The following SLC36A1 variants were observed in gnomAD, a reference collection of about 807,000 sequenced individuals.
SLC36A1 encodes proton-coupled amino acid transporter 1.
In SLC36A1, 30 loss-of-function variants were observed where a neutral mutation model predicts 47.5. The ratio of observed to expected loss-of-function variants is 0.63; its 90% CI spans 0.47 to 0.86. SLC36A1 has a LOEUF of 0.86. Among genes scored for constraint, SLC36A1 ranks in the 40% least tolerant of loss-of-function variants. The probability of loss-of-function intolerance (pLI) is 0.00; values close to 1 mark genes in which losing one functional copy is unlikely to be tolerated. For synonymous variants in SLC36A1, 255 were observed against 249.7 expected (o/e 1.02, Z -0.20); for missense variants, 517 against 606.0 (o/e 0.85, Z 1.54).
upstream of SLC36A1, among the ~76,000 whole-genome samples, chr5:151,446,994 C>A (rs1029035017): frequency 6.6e-6 from 1 of 152,046 alleles, no homozygotes; most frequent in Non-Finnish European, 1.5e-5. Flanking sequence ...GAATTGACCC[C>A]TTTATTATTA....
At chr5:151,430,848 C>T in the SLC36A1 span, among the ~76,000 whole-genome samples, 2 of 152,246 alleles carry the variant, frequency 1.3e-5, no homozygotes, top group African/African-American at 4.8e-5. Flanking sequence ...CTTGGCTCCT[C>T]TAACACAAAG....
chr5:151,471,593 C>T (rs535103301), intron 7 of SLC36A1, among the ~76,000 whole-genome samples: 11 of 152,318 alleles, frequency 7.2e-5, no homozygotes, highest in Admixed American at 6.5e-4. Flanking sequence ...GCTCTCAAGT[C>T]CCATTGTAAA....
chr5:151,356,517 C>T, the SLC36A1 span, among the ~76,000 whole-genome samples: 2 of 151,948 alleles, frequency 1.3e-5, no homozygotes, highest in East Asian at 1.9e-4. Flanking sequence ...TTAGGAACTA[C>T]GTGTGTTGGG....
the SLC36A1 span, chr5:151,542,230 C>A: frequency 6.6e-7 from 1 of 1,507,988 alleles, no homozygotes; most frequent in Non-Finnish European, 8.9e-7. Flanking sequence ...GGCACCTCTT[C>A]CTGGATGTTT....
chr5:151,500,645 G>T, the SLC36A1 span, among the ~76,000 whole-genome samples: 2 of 152,250 alleles, frequency 1.3e-5, no homozygotes, highest in African/African-American at 4.8e-5. Context: ...TGGGATTACA[G>T]GTGGGAGCCA....
intron 1 of SLC36A1, among the ~76,000 whole-genome samples, chr5:151,458,268 G>C (rs1754895284): frequency 6.8e-6 from 1 of 147,520 alleles, no homozygotes; most frequent in African/African-American, 2.5e-5. Flanking sequence ...ATATACGTGT[G>C]TATATGTGTA....
the SLC36A1 span, among the ~76,000 whole-genome samples, chr5:151,351,194 T>C: frequency 6.6e-6 from 1 of 152,144 alleles, no homozygotes; most frequent in Non-Finnish European, 1.5e-5. Flanking sequence ...TTTCGTTGAC[T>C]CATACTGTCT....
chr5:151,452,464 G>A (rs1011848883), intron 1 of SLC36A1: 1 of 152,206 alleles, frequency 6.6e-6, no homozygotes, highest in Non-Finnish European at 1.5e-5. Flanking sequence ...GCAAACAAGG[G>A]GCGCCAATGC....
the SLC36A1 span, chr5:151,549,244 A>G: frequency 4.5e-6 from 7 of 1,557,642 alleles, no homozygotes; most frequent in Admixed American, 3.5e-5. Context: ...GCTTTCCTTT[A>G]TTTCTAAAGC....
At chr5:151,457,459 A>G (rs1754733746) in intron 1 of SLC36A1, among the ~76,000 whole-genome samples, 1 of 152,124 alleles carries the variant, frequency 6.6e-6, no homozygotes, top group Non-Finnish European at 1.5e-5. Context: ...AAATCCACCC[A>G]GGGGACACCA....
intron 1 of SLC36A1, among the ~76,000 whole-genome samples, chr5:151,439,533 G>C (rs1296255107): frequency 6.6e-6 from 1 of 151,838 alleles, no homozygotes; most frequent in African/African-American, 2.4e-5. Context: ...TGTGCCTGTA[G>C]GTCCAGCTAC....
chr5:151,373,533 A>C, the SLC36A1 span, among the ~76,000 whole-genome samples: 19 of 152,218 alleles, frequency 1.2e-4, no homozygotes, highest in Non-Finnish European at 2.8e-4. Flanking sequence ...CAGAGAAAAT[A>C]TCTTGCAAAA....
chr5:151,361,187 C>T, the SLC36A1 span, among the ~76,000 whole-genome samples: 3 of 152,158 alleles, frequency 2.0e-5, no homozygotes, highest in Non-Finnish European at 2.9e-5. Flanking sequence ...TCTTCCATAG[C>T]ACTGACAATA....
At chr5:151,517,551 C>T in the SLC36A1 span, 1 of 1,588,202 alleles carries the variant, frequency 6.3e-7, no homozygotes, top group Admixed American at 1.7e-5. Context: ...TGACATTCCT[C>T]ATGCCTCACC....
At chr5:151,369,663 G>A in the SLC36A1 span, among the ~76,000 whole-genome samples, 5 of 152,186 alleles carry the variant, frequency 3.3e-5, no homozygotes, top group African/African-American at 1.2e-4. Flanking sequence ...AAATATATTT[G>A]TAGATACAGG....
chr5:151,356,921 G>C, the SLC36A1 span, among the ~76,000 whole-genome samples: 1 of 152,176 alleles, frequency 6.6e-6, no homozygotes, highest in Non-Finnish European at 1.5e-5. Context: ...ATAGGGTCAA[G>C]GGAATGAAGC....
the SLC36A1 span, among the ~76,000 whole-genome samples, chr5:151,522,485 GCT>G: frequency 6.6e-6 from 1 of 152,206 alleles, no homozygotes; most frequent in Non-Finnish European, 1.5e-5. Context: ...CATGCACCCT[GCT>G]CAGCCTACGA....
In SLC36A1 at chr5:151,463,553, A is replaced by T. The variant is rs1456424497; in HGVS notation, c.144A>T (p.Thr48=). The part of the protein sequence containing the change: ...YQRFGQSNST[T]WFQTLIHLLK... ...TTTCCTTGGCTGTCTTCCACTTCAGATGGTTCCAGACCTTGATCCACCTGT... is the reference window on the plus strand; with the variant it reads ...TTTCCTTGGCTGTCTTCCACTTCAGTTGGTTCCAGACCTTGATCCACCTGT... Residue 48 remains threonine, a splice_region_variant and synonymous_variant, in exon 3 of 11, where the codon ACA becomes ACT. Coordinates refer to ENST00000243389, the MANE Select transcript of SLC36A1 (RefSeq NM_078483.4). 6.2e-7 allele frequency: 1 copy of T among 1,612,302 alleles called. No individual in the cohort carries two copies. Among genetic ancestry groups the T allele is most frequent in the Admixed American group, 1.7e-5 (1 of 60,002 alleles).
chr5:151,500,078 A>C, the SLC36A1 span, among the ~76,000 whole-genome samples: 1 of 152,054 alleles, frequency 6.6e-6, no homozygotes, highest in African/African-American at 2.4e-5. Context: ...GCTCTGTGCC[A>C]CCTAGAAATT....
Sources: gnomAD v4.1 joint callset for allele counts (sites outside exome capture counted in the v4.1 genomes callset) on GRCh38, gnomAD v4.1.1 for gene constraint, MANE v1.5 for transcripts, NCBI Gene and HGNC (gene_info 2026-07-23, HGNC 2026-07-21) for gene names.